Variants in SAMMSON observed in about 807,000 individuals in gnomAD.
The protein encoded by SAMMSON is long intergenic non-protein coding RNA 1212.
At chr3:70,317,707 C>T (rs537517823) in intron 7 of SAMMSON, among the ~76,000 whole-genome samples, 8 of 151,408 alleles carry the variant, frequency 5.3e-5, no homozygotes, top group African/African-American at 7.3e-5. Flanking sequence ...GAAAAAAATT[C>T]GTTTAATGTT....
At chr3:70,078,560 A>C (rs1203019817) in intron 4 of SAMMSON, among the ~76,000 whole-genome samples, 1 of 152,094 alleles carries the variant, frequency 6.6e-6, no homozygotes, top group Non-Finnish European at 1.5e-5. Context: ...CCAATTTTTC[A>C]GTGTGGTTAC....
intron 4 of SAMMSON, among the ~76,000 whole-genome samples, chr3:70,238,049 T>G (rs1449380799): frequency 7.5e-6 from 1 of 132,638 alleles, no homozygotes; most frequent in Non-Finnish European, 1.6e-5. Context: ...CTGTACTTTA[T>G]AGTGACGAAC....
chr3:70,145,787 A>G (rs890535212), intron 4 of SAMMSON, among the ~76,000 whole-genome samples: 1 of 152,018 alleles, frequency 6.6e-6, no homozygotes, highest in South Asian at 2.1e-4. Context: ...CCACCTTAAG[A>G]AACTAGAAAA....
chr3:70,400,034 C>T (rs762236142), intron 2 of SAMMSON, among the ~76,000 whole-genome samples: 87 of 151,744 alleles, frequency 5.7e-4, no homozygotes, highest in Non-Finnish European at 3.7e-4. Context: ...AAAATAGTGG[C>T]ATATTATTTT....
chr3:70,118,422 T>C (rs775417389), intron 4 of SAMMSON, among the ~76,000 whole-genome samples: 3 of 152,186 alleles, frequency 2.0e-5, no homozygotes, highest in Non-Finnish European at 2.9e-5. Context: ...AGAATCTTTT[T>C]TCCCCCAACC....
chr3:70,076,013 G>A (rs1281271596), intron 4 of SAMMSON, among the ~76,000 whole-genome samples: 1 of 151,794 alleles, frequency 6.6e-6, no homozygotes, highest in Non-Finnish European at 1.5e-5. Context: ...CTTAAGAGAA[G>A]CAAAGCATTG....
chr3:70,358,884 C>T lies in SAMMSON; in HGVS notation n.913+560C>T, dbSNP rs558300463. ...AGAGAGTGATGAAAATGTCAGTTGT[C>T]GTAACAGAATTTATGGCTTTGGTTT... On this transcript the variant is annotated intron_variant and non_coding_transcript_variant, in intron 9 of 9. Coordinates refer to ENST00000642114, the Ensembl canonical transcript of SAMMSON. Among the ~76,000 whole-genome samples, 6 of 152,160 alleles carry T rather than the reference C, an allele frequency of 3.9e-5. No homozygotes were observed. In the East Asian group the frequency reaches 9.7e-4, roughly 25 times the overall value.
intron 6 of SAMMSON, among the ~76,000 whole-genome samples, chr3:70,262,381 C>G (rs1447792170): frequency 6.6e-6 from 1 of 152,076 alleles, no homozygotes; most frequent in Non-Finnish European, 1.5e-5. Flanking sequence ...AAAAATATAA[C>G]GGACAATAAC....
intron 4 of SAMMSON, among the ~76,000 whole-genome samples, chr3:70,182,849 C>A (rs1701064542): frequency 6.6e-6 from 1 of 152,026 alleles, no homozygotes; most frequent in African/African-American, 2.4e-5. Flanking sequence ...TCTTTGTAAC[C>A]CTTTTTGGTT....
At chr3:70,106,215 A>G (rs2067366779) in intron 4 of SAMMSON, among the ~76,000 whole-genome samples, 1 of 152,168 alleles carries the variant, frequency 6.6e-6, no homozygotes, top group Non-Finnish European at 1.5e-5. Flanking sequence ...ATATGTCCAA[A>G]TAAATGGACA....
chr3:70,403,496 T>A lies in SAMMSON; in HGVS notation n.233+45172T>A, dbSNP rs182285106. On this transcript the variant is annotated intron_variant and non_coding_transcript_variant, in intron 2 of 3. Transcript: ENST00000641053. Reference sequence around the variant, plus strand: ...TCTAGGACTTTGGGTTATCTTATACTGTAGATCGCAGATTGGCAAACTATG... The same window carrying A: ...TCTAGGACTTTGGGTTATCTTATACAGTAGATCGCAGATTGGCAAACTATG... Among the ~76,000 whole-genome samples the A allele has an allele frequency of 2.7e-3, 410 of 152,338 alleles. 1 individual carries two copies. The highest frequency in any genetic ancestry group is 9.6e-3 in the African/African-American group (401 of 41,586).
At chr3:70,080,360 C>A (rs909247847) in intron 4 of SAMMSON, among the ~76,000 whole-genome samples, 1 of 152,198 alleles carries the variant, frequency 6.6e-6, no homozygotes, top group Non-Finnish European at 1.5e-5. Flanking sequence ...AGCAACCCAA[C>A]CTAAGGCAAG....
intron 4 of SAMMSON, among the ~76,000 whole-genome samples, chr3:70,181,505 G>A (rs978681334): frequency 6.6e-6 from 1 of 152,154 alleles, no homozygotes; most frequent in Non-Finnish European, 1.5e-5. Flanking sequence ...TGTGACTTGT[G>A]TATACTCAAT....
chr3:70,115,276 T>C (rs1176555038), intron 4 of SAMMSON, among the ~76,000 whole-genome samples: 2 of 151,676 alleles, frequency 1.3e-5, no homozygotes, highest in South Asian at 2.1e-4. Flanking sequence ...TAAAGCTTTC[T>C]AGTAATTGGC....
chr3:70,215,984 G>C (rs1268248471), intron 4 of SAMMSON, among the ~76,000 whole-genome samples: 1 of 151,828 alleles, frequency 6.6e-6, no homozygotes, highest in Non-Finnish European at 1.5e-5. Context: ...ATTTTGATTT[G>C]AATGCAACAT....
chr3:70,409,523 T>G (rs1237372835), intron 2 of SAMMSON, among the ~76,000 whole-genome samples: 9 of 151,850 alleles, frequency 5.9e-5, no homozygotes, highest in African/African-American at 2.2e-4. Context: ...GATCATGGAA[T>G]GTGTAGACAT....
chr3:70,000,386 G>C (rs576416718), intron 1 of SAMMSON, among the ~76,000 whole-genome samples: 24 of 152,254 alleles, frequency 1.6e-4, no homozygotes, highest in Non-Finnish European at 3.1e-4. Context: ...AGTTATTATT[G>C]TTGTAATTTT....
At chr3:70,100,127 T>C (rs1048917362) in intron 4 of SAMMSON, among the ~76,000 whole-genome samples, 10 of 151,990 alleles carry the variant, frequency 6.6e-5, no homozygotes, top group African/African-American at 2.4e-4. Context: ...AGTATTTTCA[T>C]TGGGGGTGCA....
chr3:70,334,550 T>C (rs1702647541), intron 7 of SAMMSON, among the ~76,000 whole-genome samples: 1 of 152,088 alleles, frequency 6.6e-6, no homozygotes, highest in Admixed American at 6.6e-5. Flanking sequence ...CCTAGTGAAA[T>C]TCTGCCCCTT....
Sources: gnomAD v4.1 joint callset for allele counts (sites outside exome capture counted in the v4.1 genomes callset) on GRCh38, gnomAD v4.1.1 for gene constraint, MANE v1.5 for transcripts, NCBI Gene and HGNC (gene_info 2026-07-23, HGNC 2026-07-21) for gene names.